SCRG1: variants seen among roughly 807,000 people sequenced by gnomAD.
The protein encoded by SCRG1 is scrapie-responsive protein 1.
Under a neutral mutation model 7.7 loss-of-function variants are expected in SCRG1, and 3 were observed. That is an observed-to-expected ratio of 0.39 (90% CI 0.18 to 1.01). SCRG1 has a LOEUF of 1.01. SCRG1 is among the 50% of genes least tolerant of loss of function. The probability of loss-of-function intolerance (pLI) is 0.36; values close to 1 mark genes in which losing one functional copy is unlikely to be tolerated. For synonymous variants in SCRG1, 46 were observed against 41.2 expected, an observed-to-expected ratio of 1.12 and a Z score of -0.44; for missense variants, 110 against 117.2, an observed-to-expected ratio of 0.94 and a Z score of 0.28.
chr4:173,483,030 T>C, the SCRG1 span, among the ~76,000 whole-genome samples: 72,657 of 123,978 alleles, frequency 0.59, 23,678 homozygotes, highest in Non-Finnish European at 0.73. Context: ...TTATATGTAA[T>C]ATATTTCATG....
At chr4:173,506,094 T>C in the SCRG1 span, among the ~76,000 whole-genome samples, 1 of 152,118 alleles carries the variant, frequency 6.6e-6, no homozygotes, top group Admixed American at 6.5e-5. The surrounding 1 kb of genome is among the most constrained non-coding windows in gnomAD (Gnocchi z 5.3). Context: ...CGAATTTCAG[T>C]TTAAATCTCA....
chr4:173,410,593 C>T (rs969726518), upstream of SCRG1, among the ~76,000 whole-genome samples: 3 of 152,042 alleles, frequency 2.0e-5, no homozygotes, highest in African/African-American at 4.8e-5. Context: ...GAAAGAGAAA[C>T]CAAATTACCT....
the SCRG1 span, among the ~76,000 whole-genome samples, chr4:173,454,720 C>T: frequency 2.0e-5 from 3 of 152,156 alleles, no homozygotes; most frequent in African/African-American, 7.2e-5. Context: ...TAGAGAAGCT[C>T]ATGGGCATAC....
At chr4:173,512,032 A>G in the SCRG1 span, among the ~76,000 whole-genome samples, 2 of 152,218 alleles carry the variant, frequency 1.3e-5, no homozygotes, top group Admixed American at 6.5e-5. Context: ...AGACTCTCTG[A>G]CCCTGCCAAT....
chr4:173,448,212 C>T, the SCRG1 span, among the ~76,000 whole-genome samples: 1 of 152,226 alleles, frequency 6.6e-6, no homozygotes. Flanking sequence ...TTTTATTTTG[C>T]TCTGGCTTCT....
At chr4:173,420,006 G>T in the SCRG1 span, 1 of 679,182 alleles carries the variant, frequency 1.5e-6, no homozygotes, top group Non-Finnish European at 2.7e-6. Context: ...TGGGTGTGTT[G>T]TATTTATTTT....
chr4:173,445,998 C>T, the SCRG1 span, among the ~76,000 whole-genome samples: 142,733 of 152,182 alleles, frequency 0.94, 67,603 homozygotes, highest in Non-Finnish European at 1. Context: ...TGGGTTCACA[C>T]GATAAGTTCT....
the SCRG1 span, among the ~76,000 whole-genome samples, chr4:173,475,788 C>G: frequency 6.6e-6 from 1 of 152,266 alleles, no homozygotes; most frequent in African/African-American, 2.4e-5. Flanking sequence ...CTGACATGTG[C>G]TTCAACAAGA....
the SCRG1 span, among the ~76,000 whole-genome samples, chr4:173,429,123 AAGAATTCCAAATATT>A: frequency 6.6e-6 from 1 of 152,236 alleles, no homozygotes; most frequent in African/African-American, 2.4e-5. Context: ...AAATGGAAAG[AAGAATTCCAAATATT>A]AGAATTAAGA....
the SCRG1 span, among the ~76,000 whole-genome samples, chr4:173,428,769 T>G: frequency 6.6e-6 from 1 of 152,004 alleles, no homozygotes; most frequent in Non-Finnish European, 1.5e-5. Context: ...AGTACATTAG[T>G]TGTAAAATAG....
At chr4:173,516,201 A>C in the SCRG1 span, among the ~76,000 whole-genome samples, 1 of 152,204 alleles carries the variant, frequency 6.6e-6, no homozygotes, top group Non-Finnish European at 1.5e-5. Context: ...CGAATCCCAG[A>C]GAATGTTTAA....
the SCRG1 span, among the ~76,000 whole-genome samples, chr4:173,439,513 TAA>T: frequency 4.5e-4 from 66 of 146,844 alleles, no homozygotes; most frequent in Middle Eastern, 3.5e-3. Context: ...AGACCCTGTT[TAA>T]AAAAAAAAAA....
the SCRG1 span, among the ~76,000 whole-genome samples, chr4:173,503,066 G>A: frequency 6.6e-6 from 1 of 152,156 alleles, no homozygotes; most frequent in East Asian, 1.9e-4. This position sits in a 1 kb window ranked among gnomAD's most constrained non-coding sequence, Gnocchi z 6.4. Flanking sequence ...TGGAATTCAA[G>A]CTCAGGTGGT....
intron 2 of SCRG1, among the ~76,000 whole-genome samples, chr4:173,390,227 G>A (rs906025866): frequency 1.3e-5 from 2 of 151,684 alleles, no homozygotes; most frequent in Middle Eastern, 3.5e-3. Flanking sequence ...TTGTATTTTT[G>A]TAGAGACAGA....
chr4:173,450,642 C>T, the SCRG1 span, among the ~76,000 whole-genome samples: 1 of 152,296 alleles, frequency 6.6e-6, no homozygotes, highest in Admixed American at 6.5e-5. Context: ...GTCCCTTAGT[C>T]TTAAAACCTC....
At chr4:173,508,665 T>G in the SCRG1 span, among the ~76,000 whole-genome samples, 1 of 151,954 alleles carries the variant, frequency 6.6e-6, no homozygotes, top group Non-Finnish European at 1.5e-5. This position sits in a 1 kb window ranked among gnomAD's most constrained non-coding sequence, Gnocchi z 4.4. Context: ...CGCCCGAATC[T>G]CCCCAAGTGC....
chr4:173,441,083 G>A, the SCRG1 span, among the ~76,000 whole-genome samples: 1 of 152,116 alleles, frequency 6.6e-6, no homozygotes, highest in Admixed American at 6.6e-5. Context: ...AAGCAGTATA[G>A]GGCATTGAGT....
intron 1 of SCRG1, among the ~76,000 whole-genome samples, chr4:173,394,742 CTA>C (rs878937409): frequency 2.0e-5 from 3 of 152,204 alleles, no homozygotes; most frequent in East Asian, 1.9e-4. Context: ...TCTCACCACA[CTA>C]TGTTATTTGA....
chr4:173,509,382 A>G, the SCRG1 span, among the ~76,000 whole-genome samples: 149,599 of 152,222 alleles, frequency 0.98, 73,571 homozygotes, highest in East Asian at 1. This position sits in a 1 kb window ranked among gnomAD's most constrained non-coding sequence, Gnocchi z 5.7. Context: ...CCTCGCGAGT[A>G]GAGCCTGGCG....
Sources: gnomAD v4.1 joint callset for allele counts (sites outside exome capture counted in the v4.1 genomes callset) on GRCh38, gnomAD v4.1.1 for gene constraint, Gnocchi (gnomAD v3.1) non-coding constraint, MANE v1.5 for transcripts, NCBI Gene and HGNC (gene_info 2026-07-23, HGNC 2026-07-21) for gene names.